The following PLPP3 variants were observed in gnomAD, a reference collection of about 807,000 sequenced individuals.
PLPP3 encodes phospholipid phosphatase 3, also known as PAP2 beta.
A neutral mutation model predicts 29.6 loss-of-function variants in PLPP3; 6 were observed. The ratio of observed to expected loss-of-function variants is 0.20; its 90% confidence interval spans 0.11 to 0.40. The LOEUF (loss-of-function observed/expected upper bound fraction) is 0.40, where lower values mean the gene tolerates loss of function less well. Among genes scored for constraint, PLPP3 ranks in the 10% least tolerant of loss-of-function variants. The probability of loss-of-function intolerance (pLI) is 1.00; values close to 1 mark genes in which losing one functional copy is unlikely to be tolerated. For missense variants in PLPP3, 308 were observed against 407.7 expected (o/e 0.76, Z 2.11); for synonymous variants, 152 against 159.7 (o/e 0.95, Z 0.36).
At chr1:56,529,989 A>G (rs1334519121) in intron 2 of PLPP3, among the ~76,000 whole-genome samples, 1 of 152,090 alleles carries the variant, frequency 6.6e-6, no homozygotes, top group Non-Finnish European at 1.5e-5. Flanking sequence ...ATAAAGCATC[A>G]TTGTTTTCCC....
intron 2 of PLPP3, among the ~76,000 whole-genome samples, chr1:56,529,941 C>G (rs1323449711): frequency 1.3e-5 from 2 of 152,068 alleles, no homozygotes; most frequent in Non-Finnish European, 2.9e-5. Context: ...AGTGGCTGCC[C>G]TGTGCCCACA....
intron 1 of PLPP3, among the ~76,000 whole-genome samples, chr1:56,571,918 C>T (rs949553193): frequency 5.3e-5 from 8 of 151,980 alleles, no homozygotes; most frequent in African/African-American, 1.5e-4. Context: ...TAAAAGGGAT[C>T]GTCTCTATAC....
At chr1:56,506,284 G>A (rs947429093) in intron 5 of PLPP3, among the ~76,000 whole-genome samples, 6 of 152,162 alleles carry the variant, frequency 3.9e-5, no homozygotes, top group Non-Finnish European at 8.8e-5. Context: ...GTCCTTGGGC[G>A]TGTCCTGGCC....
In PLPP3 at chr1:56,536,289, T is replaced by C. The variant is rs143958180; in HGVS notation, c.297+666A>G. The stretch of plus-strand genomic sequence containing the variant: ...AAACTCAAACCCACAACTGTCAATT[T>C]GGAGCACACAGGAAAACTAGACCTT... On this transcript the variant is annotated intron_variant, in intron 2 of 5. Transcript: ENST00000371250. 6.1e-3 allele frequency among the ~76,000 whole-genome samples: 929 copies of C among 152,314 alleles called. 14 individuals carry two copies. The highest frequency in any genetic ancestry group is 0.021 in the African/African-American group (868 of 41,582).
rs2100249380 is a variant in PLPP3, at chr1:56,524,141, T to C, written c.575+136A>G. 1.9e-6 allele frequency: 2 copies of C among 1,077,106 alleles called. No homozygotes were observed. Among genetic ancestry groups the C allele is most frequent in the Admixed American group, 2.5e-5 (1 of 40,570 alleles). The allele number at this position is 1,077,106 out of a possible 1,614,324, so 66.7% of individuals were successfully genotyped here. A position where few individuals can be genotyped will look rare whatever the true frequency, so the allele number is the denominator to read the frequency against. ...TTGATTTACATATCTGTCTCAATCA[T>C]CTGACTGTGAGTTCCTCAAGAATAG... On this transcript the variant is annotated intron_variant, in intron 3 of 5. Coordinates refer to ENST00000371250, the MANE Select transcript of PLPP3 (RefSeq NM_003713.5). This position sits in a 1 kb window ranked among gnomAD's most constrained non-coding sequence, Gnocchi z 4.3.
chr1:56,521,562 G>A (rs1645819966), intron 4 of PLPP3, among the ~76,000 whole-genome samples: 1 of 151,994 alleles, frequency 6.6e-6, no homozygotes, highest in Non-Finnish European at 1.5e-5. Flanking sequence ...GATTAAGGAG[G>A]CTCTCCTTCT....
intron 1 of PLPP3, among the ~76,000 whole-genome samples, chr1:56,545,846 G>A (rs768178962): frequency 6.6e-6 from 1 of 152,086 alleles, no homozygotes; most frequent in South Asian, 2.1e-4. Flanking sequence ...GCCAAAGATC[G>A]AGATAGTCAA....
At chr1:56,547,379 G>T (rs781069511) in intron 1 of PLPP3, among the ~76,000 whole-genome samples, 1 of 152,022 alleles carries the variant, frequency 6.6e-6, no homozygotes, top group Non-Finnish European at 1.5e-5. Context: ...CTTGTGGATC[G>T]TTTTCTCCCC....
chr1:56,575,255 T>C (rs113374838), intron 1 of PLPP3, among the ~76,000 whole-genome samples: 7 of 152,328 alleles, frequency 4.6e-5, no homozygotes, highest in African/African-American at 1.7e-4. Context: ...ATAGTGGCAC[T>C]GGCCAACGTG....
At chr1:56,502,909 C>A (rs1305644602) in intron 5 of PLPP3, among the ~76,000 whole-genome samples, 1 of 152,140 alleles carries the variant, frequency 6.6e-6, no homozygotes, top group Admixed American at 6.5e-5. Flanking sequence ...TGCATGCATT[C>A]CCATGTGATT....
chr1:56,496,695 G>T lies in PLPP3; in HGVS notation c.811-19C>A. The stretch of plus-strand genomic sequence containing the variant: ...AGAAAACCTAGAAGCACAAATCAGA[G>T]ATCGAAGTCAGTAACTGACATCGGG... On this transcript the variant is annotated intron_variant, in intron 5 of 5. Transcript: ENST00000371250. The T allele has an allele frequency of 6.2e-7, 1 of 1,612,836 alleles. No homozygotes were observed. The highest frequency in any genetic ancestry group is 8.5e-7 in the Non-Finnish European group (1 of 1,179,446).
intron 1 of PLPP3, among the ~76,000 whole-genome samples, chr1:56,552,942 C>A (rs1227897103): frequency 6.6e-6 from 1 of 152,130 alleles, no homozygotes; most frequent in Non-Finnish European, 1.5e-5. Flanking sequence ...AGGTTGGATT[C>A]TTCTGCGAAT....
At chr1:56,538,337 T>C (rs1320899487) in intron 1 of PLPP3, 5 of 241,502 alleles carry the variant, frequency 2.1e-5, no homozygotes, top group Non-Finnish European at 2.5e-5. Context: ...CAAGCTCCAA[T>C]GACACTTCGC....
rs551170692 is a variant in PLPP3 at position 56,532,269 on chromosome 1, T to C, written c.297+4686A>G. Among the ~76,000 whole-genome samples, 6 of 152,264 alleles carry C rather than the reference T, an allele frequency of 3.9e-5. No individual in the cohort carries two copies. The South Asian group carries it at 1.2e-3, about 32-fold the overall frequency. On this transcript the variant is annotated intron_variant, in intron 2 of 5. Coordinates refer to ENST00000371250, the MANE Select transcript of PLPP3 (RefSeq NM_003713.5). Reference sequence around the variant, plus strand: ...ATCAGGGGACAACACAGTTGAAGGATTAATGTGGCCTCTCTCTGTTGGTGG... The same window carrying C: ...ATCAGGGGACAACACAGTTGAAGGACTAATGTGGCCTCTCTCTGTTGGTGG...
intron 2 of PLPP3, among the ~76,000 whole-genome samples, chr1:56,532,579 G>A (rs148002787): frequency 1.4e-4 from 21 of 152,246 alleles, no homozygotes; most frequent in African/African-American, 4.8e-4. Flanking sequence ...TGTCTCTCCA[G>A]CAAGAAATTT....
At chr1:56,504,277 C>A (rs1645687103) in intron 5 of PLPP3, among the ~76,000 whole-genome samples, 1 of 152,126 alleles carries the variant, frequency 6.6e-6, no homozygotes, top group Non-Finnish European at 1.5e-5. Context: ...CCAGCCTGGG[C>A]AACATAGGAA....
chr1:56,551,699 C>T (rs1246592249), intron 1 of PLPP3, among the ~76,000 whole-genome samples: 1 of 152,156 alleles, frequency 6.6e-6, no homozygotes, highest in Non-Finnish European at 1.5e-5. Flanking sequence ...TGGGTCTTGG[C>T]GAATTAATTA....
chr1:56,516,096 T>C (rs771342650), intron 4 of PLPP3, among the ~76,000 whole-genome samples: 43 of 152,162 alleles, frequency 2.8e-4, no homozygotes, highest in Non-Finnish European at 5.6e-4. Flanking sequence ...GAGAATGAGA[T>C]TGCACAATGA....
chr1:56,578,412 T>C (rs1192137068), intron 1 of PLPP3, among the ~76,000 whole-genome samples: 1 of 151,876 alleles, frequency 6.6e-6, no homozygotes, highest in East Asian at 2.0e-4. Context: ...GCGGAAGGGC[T>C]GGATGTTTAC....
Sources: allele counts gnomAD v4.1 joint callset (sites outside exome capture counted in the v4.1 genomes callset), GRCh38; gene constraint gnomAD v4.1.1; non-coding constraint Gnocchi (gnomAD v3.1); transcripts MANE v1.5; gene names NCBI Gene and HGNC (gene_info 2026-07-23, HGNC 2026-07-21).